The following LRRC3B variants were observed in gnomAD, a reference collection of about 807,000 sequenced individuals.
LRRC3B encodes leucine-rich repeat-containing protein 3B.
A neutral mutation model predicts 12.8 loss-of-function variants in LRRC3B; 2 were observed. The observed-to-expected ratio is 0.16, with a 90% CI of 0.06 to 0.49. The LOEUF is 0.49. Among genes scored for constraint, LRRC3B ranks in the 20% least tolerant of loss-of-function variants. The pLI is 0.96. For synonymous variants in LRRC3B, 132 were observed against 122.0 expected (o/e 1.08, Z -0.54); for missense variants, 189 against 319.4 (o/e 0.59, Z 3.11).
intron 1 of LRRC3B, among the ~76,000 whole-genome samples, chr3:26,696,128 T>C (rs1700310588): frequency 6.6e-6 from 1 of 152,176 alleles, no homozygotes; most frequent in South Asian, 2.1e-4. Flanking sequence ...AGATCTAACA[T>C]ATAACCCCAT....
intron 1 of LRRC3B, among the ~76,000 whole-genome samples, chr3:26,667,591 C>T (rs1699632643): frequency 6.6e-6 from 1 of 152,130 alleles, no homozygotes; most frequent in Admixed American, 6.5e-5. Flanking sequence ...TGGTGAAGCT[C>T]CTGTCATCAC....
exon 2 of LRRC3B, chr3:26,709,680 T>C: frequency 6.2e-7 from 1 of 1,613,256 alleles, no homozygotes; most frequent in Non-Finnish European, 8.5e-7. Flanking sequence ...AGCATGAATC[T>C]GGTAGACCTG....
At chr3:26,672,121 C>CATT (rs1271525144) in intron 1 of LRRC3B, among the ~76,000 whole-genome samples, 7 of 152,120 alleles carry the variant, frequency 4.6e-5, no homozygotes, top group African/African-American at 1.4e-4. Flanking sequence ...GTTCATTTAT[C>CATT]ATTTTGTTTT....
chr3:26,700,970 C>T (rs1331627490), intron 1 of LRRC3B, among the ~76,000 whole-genome samples: 1 of 152,096 alleles, frequency 6.6e-6, no homozygotes, highest in Non-Finnish European at 1.5e-5. Flanking sequence ...TTCCTTCTTG[C>T]CTCTACTGTT....
At chr3:26,646,913 C>G (rs1396480930) in intron 1 of LRRC3B, among the ~76,000 whole-genome samples, 2 of 149,766 alleles carry the variant, frequency 1.3e-5, no homozygotes, top group African/African-American at 5.0e-5. Flanking sequence ...AAGGCCTGGC[C>G]CATTGTAAGT....
intron 1 of LRRC3B, among the ~76,000 whole-genome samples, chr3:26,671,350 GTATATATATA>G (rs1161960755): frequency 1.6e-4 from 9 of 56,752 alleles, no homozygotes; most frequent in Non-Finnish European, 1.8e-4. Flanking sequence ...ATATATGTGT[GTATATATATA>G]TATATATATA....
chr3:26,710,501 C>A (rs763431414), exon 2 of LRRC3B: 3 of 1,495,190 alleles, frequency 2.0e-6, no homozygotes, highest in Non-Finnish European at 2.7e-6. Context: ...TTTGCGATTG[C>A]AGTAGAAATA....
At chr3:26,685,256 A>C (rs528982386) in intron 1 of LRRC3B, among the ~76,000 whole-genome samples, 10 of 151,926 alleles carry the variant, frequency 6.6e-5, no homozygotes, top group Admixed American at 5.2e-4. Context: ...CCTGGCCCAC[A>C]TGGGGGTTAT....
intron 1 of LRRC3B, among the ~76,000 whole-genome samples, chr3:26,692,416 CCTT>C (rs1700210425): frequency 6.6e-6 from 1 of 152,168 alleles, no homozygotes; most frequent in Non-Finnish European, 1.5e-5. Context: ...TCAGATTACA[CCTT>C]AGACGTGCAT....
At chr3:26,706,264 T>C (rs1290060290) in intron 1 of LRRC3B, among the ~76,000 whole-genome samples, 2 of 152,086 alleles carry the variant, frequency 1.3e-5, no homozygotes, top group African/African-American at 4.8e-5. Flanking sequence ...ACACTGGGGA[T>C]TAGATTTAGA....
At chr3:26,629,491 G>C (rs534810659) in intron 1 of LRRC3B, among the ~76,000 whole-genome samples, 2 of 152,138 alleles carry the variant, frequency 1.3e-5, no homozygotes, top group Non-Finnish European at 2.9e-5. Context: ...CATTGTATAG[G>C]CCTGCTACAG....
intron 1 of LRRC3B, among the ~76,000 whole-genome samples, chr3:26,629,637 A>T (rs1308884325): frequency 6.6e-6 from 1 of 152,230 alleles, no homozygotes; most frequent in Admixed American, 6.5e-5. Context: ...ATTAAGTGGA[A>T]TACTTTTCAC....
chr3:26,666,900 T>C (rs1453563203), intron 1 of LRRC3B, among the ~76,000 whole-genome samples: 1 of 152,140 alleles, frequency 6.6e-6, no homozygotes, highest in East Asian at 1.9e-4. Flanking sequence ...ATAGAAATTG[T>C]TGGTTCTAAT....
intron 1 of LRRC3B, among the ~76,000 whole-genome samples, chr3:26,660,452 T>G (rs1456933165): frequency 1.3e-5 from 2 of 151,040 alleles, no homozygotes; most frequent in Non-Finnish European, 2.9e-5. Flanking sequence ...GAACAAAGAT[T>G]AAGTGATTTT....
At chr3:26,679,158 T>C (rs182779588) in intron 1 of LRRC3B, among the ~76,000 whole-genome samples, 14 of 152,312 alleles carry the variant, frequency 9.2e-5, no homozygotes, top group African/African-American at 3.4e-4. Context: ...TACAAAATCC[T>C]CTAGGTTGGA....
chr3:26,628,221 C>A (rs1267450212), intron 1 of LRRC3B, among the ~76,000 whole-genome samples: 2 of 151,412 alleles, frequency 1.3e-5, no homozygotes, highest in Non-Finnish European at 2.9e-5. Context: ...TGCTCTAAGA[C>A]AAAGGATATG....
chr3:26,688,149 G>A, intron 1 of LRRC3B, among the ~76,000 whole-genome samples: 1 of 152,152 alleles, frequency 6.6e-6, no homozygotes, highest in South Asian at 2.1e-4. Context: ...ATCCAGATGT[G>A]AACCCATGAA....
chr3:26,685,286 G>A (rs1241889679), intron 1 of LRRC3B, among the ~76,000 whole-genome samples: 1 of 151,646 alleles, frequency 6.6e-6, no homozygotes, highest in African/African-American at 2.4e-5. Context: ...TTTTTGGCGG[G>A]TTTCATGTTT....
chr3:26,676,032 TG>T (rs1699852612), intron 1 of LRRC3B, among the ~76,000 whole-genome samples: 1 of 151,988 alleles, frequency 6.6e-6, no homozygotes, highest in Non-Finnish European at 1.5e-5. Context: ...TGAAGAGTGT[TG>T]GCCAGTTACT....
Sources: allele counts gnomAD v4.1 joint callset (sites outside exome capture counted in the v4.1 genomes callset), GRCh38; gene constraint gnomAD v4.1.1; transcripts MANE v1.5; gene names NCBI Gene and HGNC (gene_info 2026-07-23, HGNC 2026-07-21).